The following OTUD7B variants were observed in gnomAD, a reference collection of about 807,000 sequenced individuals.
The protein encoded by OTUD7B is OTU deubiquitinase 7B.
A neutral mutation model predicts 82.2 loss-of-function variants in OTUD7B; 34 were observed. The ratio of observed to expected loss-of-function variants is 0.41; its 90% CI spans 0.31 to 0.55. The LOEUF (loss-of-function observed/expected upper bound fraction) is 0.55, where lower values mean the gene tolerates loss of function less well. Ranked by LOEUF, OTUD7B falls within the 20% of genes least tolerant of loss-of-function variation. The pLI, the probability that OTUD7B is intolerant of heterozygous loss-of-function variation, is 0.20. For missense variants in OTUD7B, 944 were observed against 1,062.1 expected, an observed-to-expected ratio of 0.89 and a Z score of 1.55; for synonymous variants, 398 against 402.7, an observed-to-expected ratio of 0.99 and a Z score of 0.14.
At chr1:150,043,178 T>C in the OTUD7B span, among the ~76,000 whole-genome samples, 5 of 152,106 alleles carry the variant, frequency 3.3e-5, no homozygotes, top group African/African-American at 4.8e-5. Context: ...GGAATCTCCA[T>C]TTTTAACAAG....
chr1:149,971,969 C>A (rs1208147325), intron 2 of OTUD7B, among the ~76,000 whole-genome samples: 1 of 152,228 alleles, frequency 6.6e-6, no homozygotes, highest in Admixed American at 6.5e-5. Context: ...TGTCCTACCT[C>A]CGATCCATTC....
Position 149,946,813 on chromosome 1 carries a change from G to A in OTUD7B, c.1323+438C>T, listed in dbSNP as rs587695446. On this transcript the variant is annotated intron_variant, in intron 11 of 11. Coordinates refer to ENST00000581312, the MANE Select transcript of OTUD7B (RefSeq NM_020205.4). ...CACACTTGTAATCCCAGCACTGTGG[G>A]AGGCTGAGGCGGGCAGATCATCTGA... 1.9e-4 allele frequency among the ~76,000 whole-genome samples: 29 copies of A among 151,086 alleles called. No individual in the cohort carries two copies. In the South Asian group the frequency reaches 6.1e-3, roughly 32 times the overall value.
intron 1 of OTUD7B, among the ~76,000 whole-genome samples, chr1:149,994,172 TAAC>T (rs1489385945): frequency 1.3e-5 from 2 of 152,132 alleles, no homozygotes; most frequent in African/African-American, 4.8e-5. Context: ...GTGGTGGTGA[TAAC>T]AAGTGCTAAC....
chr1:149,955,853 C>A (rs1272670264), intron 7 of OTUD7B, among the ~76,000 whole-genome samples: 1 of 152,074 alleles, frequency 6.6e-6, no homozygotes, highest in Admixed American at 6.5e-5. Context: ...ACTAGGATTG[C>A]AACCCCTGCT....
At chr1:149,987,318 C>T (rs1016069326) in intron 1 of OTUD7B, among the ~76,000 whole-genome samples, 7 of 152,228 alleles carry the variant, frequency 4.6e-5, no homozygotes, top group African/African-American at 1.7e-4. Flanking sequence ...GAAGTCCACC[C>T]TCACTGCTTC....
intron 7 of OTUD7B, among the ~76,000 whole-genome samples, chr1:149,953,771 G>C (rs1553774014): frequency 2.0e-5 from 3 of 152,296 alleles, no homozygotes; most frequent in Middle Eastern, 6.8e-3. Flanking sequence ...CACATCCCTT[G>C]TAAGTTGGAT....
At chr1:149,992,602 A>C (rs1458842861) in intron 1 of OTUD7B, among the ~76,000 whole-genome samples, 1 of 147,996 alleles carries the variant, frequency 6.8e-6, no homozygotes, top group East Asian at 2.1e-4. Context: ...CAGCCTCCTA[A>C]GTAGCTGGGA....
At position 149,950,172 on chromosome 1, in the gene OTUD7B, C is replaced by T. The variant is rs1031646702; in HGVS notation, c.895G>A (p.Val299Ile). 4 of 1,613,984 alleles carry T rather than the reference C, an allele frequency of 2.5e-6. No homozygotes were observed. Among genetic ancestry groups the T allele is most frequent in the Middle Eastern group, 1.6e-4 (1 of 6,084 alleles). ...PVYESLEEFH[V>I]FVLAHVLRRP... ...CTAAGCACATGAGCAAGGACAAAGA[C>T]GTGAAACTCTTCAAGGCTCTCATAT... Residue 299 changes from valine to isoleucine, a missense_variant, in exon 8 of 12, where the codon GTC (valine) becomes ATC (isoleucine). Val to Ile is a conservative substitution (Grantham distance 29). This residue lies in a region of OTUD7B where 530 missense variants were observed against 625.6 expected (regional missense o/e 0.85). Coordinates refer to ENST00000581312, the MANE Select transcript of OTUD7B (RefSeq NM_020205.4).
At chr1:149,951,574 A>G (rs1367207289) in intron 7 of OTUD7B, among the ~76,000 whole-genome samples, 1 of 152,138 alleles carries the variant, frequency 6.6e-6, no homozygotes, top group Non-Finnish European at 1.5e-5. Context: ...TGCTCCTGTC[A>G]TTCACATACT....
At chr1:150,057,706 A>C in the OTUD7B span, among the ~76,000 whole-genome samples, 1 of 152,218 alleles carries the variant, frequency 6.6e-6, no homozygotes, top group Admixed American at 6.5e-5. Context: ...ATTATTGCCC[A>C]TGATTCTGAG....
At chr1:150,067,231 T>C in the OTUD7B span, 1 of 152,056 alleles carries the variant, frequency 6.6e-6, no homozygotes, top group East Asian at 1.9e-4. Flanking sequence ...GAAAACCAAT[T>C]AGGGCCTCTG....
At chr1:150,006,651 A>G (rs1201306586) in intron 1 of OTUD7B, among the ~76,000 whole-genome samples, 2 of 152,242 alleles carry the variant, frequency 1.3e-5, no homozygotes, top group Non-Finnish European at 2.9e-5. Context: ...TGCTCCCTAC[A>G]TTAGCAGAGA....
intron 11 of OTUD7B, 118 bp downstream of exon 11, chr1:149,947,133 C>T: frequency 1.7e-6 from 1 of 572,994 alleles, no homozygotes; most frequent in South Asian, 2.5e-5. Context: ...TACTTCTAAC[C>T]TTGAATTGTA....
At chr1:150,001,080 ATTTC>A (rs1385471437) in intron 1 of OTUD7B, among the ~76,000 whole-genome samples, 1 of 152,170 alleles carries the variant, frequency 6.6e-6, no homozygotes, top group Non-Finnish European at 1.5e-5. Context: ...GCCAGTAGTC[ATTTC>A]TTGAGAAAGA....
intron 5 of OTUD7B, 78 bp from the exon 6 acceptor site, chr1:149,964,427 T>C: frequency 6.8e-7 from 1 of 1,476,034 alleles, no homozygotes; most frequent in Non-Finnish European, 9.2e-7. Context: ...AGATGGGGTT[T>C]CACCATGTTG....
At chr1:150,054,527 G>T in the OTUD7B span, 1 of 465,362 alleles carries the variant, frequency 2.1e-6, no homozygotes, top group Non-Finnish European at 4.2e-6. Context: ...GAAGCTGCAG[G>T]CAGGGCATGG....
At chr1:149,950,843 G>A (rs1648158038) in intron 7 of OTUD7B, among the ~76,000 whole-genome samples, 1 of 136,238 alleles carries the variant, frequency 7.3e-6, no homozygotes, top group South Asian at 2.3e-4. Flanking sequence ...CCCCAGGCTG[G>A]AGCAGTGGCG....
the OTUD7B span, among the ~76,000 whole-genome samples, chr1:150,045,505 C>G: frequency 1.3e-5 from 2 of 152,046 alleles, no homozygotes; most frequent in African/African-American, 4.8e-5. Context: ...AAATATTATT[C>G]AACAGACACA....
chr1:149,970,789 T>C (rs782735655), intron 3 of OTUD7B, among the ~76,000 whole-genome samples: 2 of 152,176 alleles, frequency 1.3e-5, no homozygotes, highest in African/African-American at 2.4e-5. Flanking sequence ...TACCTTTATG[T>C]GAACTTTATA....
Sources: gnomAD v4.1 joint callset for allele counts (sites outside exome capture counted in the v4.1 genomes callset) on GRCh38, gnomAD v4.1.1 for gene constraint, gnomAD v4.1.1 regional missense constraint, MANE v1.5 for transcripts, NCBI Gene and HGNC (gene_info 2026-07-23, HGNC 2026-07-21) for gene names.